Variants in POLD1 observed in about 807,000 individuals in gnomAD.
The protein encoded by POLD1 is DNA polymerase delta 1, catalytic subunit.
Under a neutral mutation model 129.7 loss-of-function variants are expected in POLD1, and 79 were observed. The ratio of observed to expected loss-of-function variants is 0.61; its 90% CI spans 0.51 to 0.73. The LOEUF is 0.73. POLD1 is among the 30% of genes least tolerant of loss of function. The pLI is 0.00. For synonymous variants in POLD1, 714 were observed against 683.3 expected, an observed-to-expected ratio of 1.04 and a Z score of -0.70; for missense variants, 1,338 against 1,595.8, an observed-to-expected ratio of 0.84 and a Z score of 2.75.
At position 50,406,557 on chromosome 19, in the gene POLD1, C is replaced by A; in HGVS notation, c.1494+40C>A. 2 of 1,422,396 alleles carry A rather than the reference C, an allele frequency of 1.4e-6. No individual in the cohort carries two copies. The highest frequency in any genetic ancestry group is 1.9e-6 in the Non-Finnish European group (2 of 1,030,284). The allele number at this position is 1,422,396 out of a possible 1,614,324, so 88.1% of individuals were successfully genotyped here. A position where few individuals can be genotyped will look rare whatever the true frequency, so the allele number is the denominator to read the frequency against. On this transcript the variant is annotated intron_variant, in intron 12 of 26. Coordinates refer to ENST00000440232, the MANE Select transcript of POLD1 (RefSeq NM_002691.4). This position sits in a 1 kb window ranked among gnomAD's most constrained non-coding sequence, Gnocchi z 5.5. ...CCTGACCTCTCACCCCAACCTCTGA[C>A]CTCCACCTCACCCTTCCCCGGCCTC...
chr19:50,408,637 C>A, intron 14 of POLD1, 148 bp from the exon 15 acceptor site: 2 of 1,213,820 alleles, frequency 1.6e-6, no homozygotes, highest in African/African-American at 1.5e-5. Context: ...CCTGCCTCAG[C>A]CTCCCAATGT....
intron 1 of POLD1, among the ~76,000 whole-genome samples, chr19:50,392,266 T>C (rs111382150): frequency 0.022 from 3,309 of 152,084 alleles, 116 homozygotes; most frequent in African/African-American, 0.074. Flanking sequence ...GATTGACTAA[T>C]TTTTAATTTT....
intron 1 of POLD1, among the ~76,000 whole-genome samples, chr19:50,392,657 A>T (rs1005852091): frequency 2.7e-4 from 41 of 151,870 alleles, no homozygotes; most frequent in Admixed American, 1.1e-3. Context: ...TTTGTATTTT[A>T]GTAGAGATGG....
rs771121744 is a variant in POLD1 at position 50,413,415 on chromosome 19, C to T, written c.2155-11C>T. The T allele has an allele frequency of 5.0e-6, 8 of 1,610,866 alleles. No homozygotes were observed. The highest frequency in any genetic ancestry group is 1.1e-5 in the South Asian group (1 of 90,750). ...CCAGGGCTTCACTCCGCATGATTCTCTCCCCGACAGAGCGTCACGGGGTTC... is the reference window on the plus strand; with the variant it reads ...CCAGGGCTTCACTCCGCATGATTCTTTCCCCGACAGAGCGTCACGGGGTTC... On this transcript the variant is annotated splice_polypyrimidine_tract_variant and intron_variant, in intron 17 of 26. Transcript: ENST00000440232.
chr19:50,391,272 T>C lies in POLD1; in HGVS notation c.-2+6882T>C, dbSNP rs557727892. ...CCCAGACTGGGCGGCCAGGCAGAGATGCTCCTCACTTCCCAGACGGGGTGG... is the reference window on the plus strand; with the variant it reads ...CCCAGACTGGGCGGCCAGGCAGAGACGCTCCTCACTTCCCAGACGGGGTGG... On this transcript the variant is annotated intron_variant, in intron 1 of 26. Coordinates refer to ENST00000440232, the MANE Select transcript of POLD1 (RefSeq NM_002691.4). 8.7e-3 allele frequency among the ~76,000 whole-genome samples: 1,285 copies of C among 148,146 alleles called. 15 individuals carry two copies. The highest frequency in any genetic ancestry group is 0.03 in the African/African-American group (1,189 of 39,148).
At chr19:50,403,256 G>T (rs766407009) in intron 9 of POLD1, 37 bp downstream of exon 9, 11 of 1,509,298 alleles carry the variant, frequency 7.3e-6, no homozygotes, top group Non-Finnish European at 9.8e-6. Context: ...ATTTCCCGGG[G>T]TCCCCGCCAG....
intron 19 of POLD1, among the ~76,000 whole-genome samples, 168 bp from the exon 20 acceptor site, chr19:50,414,647 C>T (rs574140493): frequency 6.6e-6 from 1 of 152,338 alleles, no homozygotes; most frequent in Non-Finnish European, 1.5e-5. Flanking sequence ...GCCTCAGGAG[C>T]CACTTCCAGC....
chr19:50,404,862 TG>T (rs60462866), intron 10 of POLD1, among the ~76,000 whole-genome samples: 17,363 of 151,536 alleles, frequency 0.11, 3,235 homozygotes, highest in African/African-American at 0.38. Flanking sequence ...GGCGCTGGGG[TG>T]TAGAAGTGAT....
Position 50,401,133 on chromosome 19 carries a change from C to CA in POLD1, c.317-639dup, listed in dbSNP as rs2038584321. Among the ~76,000 whole-genome samples, 11 of 151,224 alleles carry CA rather than the reference C, an allele frequency of 7.3e-5. No homozygotes were observed. In the South Asian group the frequency reaches 2.3e-3, roughly 31 times the overall value. The stretch of plus-strand genomic sequence containing the variant: ...TGAAACCCCGTCTCTACTAAAAATT[C>CA]AAAAAATTAGCCAGGTGTGGTGGCA... On this transcript the variant is annotated intron_variant, in intron 3 of 26. Transcript: ENST00000440232.
intron 14 of POLD1, among the ~76,000 whole-genome samples, chr19:50,407,899 G>T (rs576675456): frequency 2.0e-5 from 3 of 151,466 alleles, no homozygotes; most frequent in African/African-American, 7.3e-5. Flanking sequence ...TTAGCCAGGC[G>T]TGGTGGTGCA....
At chr19:50,405,930 C>T (rs907912232) in intron 10 of POLD1, among the ~76,000 whole-genome samples, 1 of 152,126 alleles carries the variant, frequency 6.6e-6, no homozygotes, top group African/African-American at 2.4e-5. Flanking sequence ...TGGGCTCCAT[C>T]CTTGGCCCCC....
chr19:50,392,258 TTGAC>T lies in POLD1; in HGVS notation c.-1-6591_-1-6588del, dbSNP rs886874561. On this transcript the variant is annotated intron_variant, in intron 1 of 26. Transcript: ENST00000440232. ...AGTAATTTTTAATTTTTTGTAGAGATTGACTAATTTTTAATTTTTTGTAGAAATG... is the reference window on the plus strand; with the variant it reads ...AGTAATTTTTAATTTTTTGTAGAGATTAATTTTTAATTTTTTGTAGAAATG... Among the ~76,000 whole-genome samples, 22 of 152,040 alleles carry T rather than the reference TTGAC, an allele frequency of 1.4e-4. 1 individual carries two copies. Among genetic ancestry groups the T allele is most frequent in the African/African-American group, 5.3e-4 (22 of 41,486 alleles).
chr19:50,396,956 A>G (rs2038390507), intron 1 of POLD1, among the ~76,000 whole-genome samples: 1 of 150,416 alleles, frequency 6.6e-6, no homozygotes, highest in African/African-American at 2.4e-5. Context: ...TTAGCCAGGC[A>G]TGGTGGTGGG....
Position 50,407,324 on chromosome 19 carries a change from C to G in POLD1, c.1687-3C>G. The G allele has an allele frequency of 6.2e-7, 1 of 1,611,430 alleles. No individual in the cohort carries two copies. Among genetic ancestry groups the G allele is most frequent in the Non-Finnish European group, 8.5e-7 (1 of 1,178,288 alleles). On this transcript the variant is annotated splice_region_variant and splice_polypyrimidine_tract_variant and intron_variant, in intron 13 of 26. Transcript: ENST00000440232. ...CTCCATTTCCCACCTTCTCCCCTCC[C>G]AGGCCATGCACGAGGGGCTGCTGAT...
chr19:50,384,651 T>TG (rs1437993615), intron 1 of POLD1, among the ~76,000 whole-genome samples: 2 of 144,010 alleles, frequency 1.4e-5, no homozygotes, highest in Non-Finnish European at 3.1e-5. Context: ...CGGGAGGAGC[T>TG]GGGGGGACTG....
intron 1 of POLD1, among the ~76,000 whole-genome samples, chr19:50,396,204 G>A (rs1474311393): frequency 5.4e-5 from 8 of 148,840 alleles, no homozygotes; most frequent in African/African-American, 1.2e-4. Context: ...CTCCTGCCTC[G>A]GCCTCCCGAG....
intron 19 of POLD1, among the ~76,000 whole-genome samples, chr19:50,414,162 C>T (rs1263120216): frequency 2.0e-5 from 3 of 152,226 alleles, no homozygotes; most frequent in African/African-American, 2.4e-5. Flanking sequence ...CTGCCCTCCA[C>T]GCAGGGACCC....
At chr19:50,403,654 C>T in intron 10 of POLD1, 57 bp downstream of exon 10, 2 of 1,063,742 alleles carry the variant, frequency 1.9e-6, no homozygotes, top group South Asian at 2.5e-5. Context: ...GGCCTCCGGG[C>T]CCTGGGCCTC....
chr19:50,386,445 A>G (rs553416550), intron 1 of POLD1, among the ~76,000 whole-genome samples: 1 of 152,232 alleles, frequency 6.6e-6, no homozygotes, highest in Non-Finnish European at 1.5e-5. Context: ...GCCTAAACTC[A>G]TGTCTTGAAG....
Sources: gnomAD v4.1 joint callset for allele counts (sites outside exome capture counted in the v4.1 genomes callset) on GRCh38, gnomAD v4.1.1 for gene constraint, Gnocchi (gnomAD v3.1) non-coding constraint, MANE v1.5 for transcripts, NCBI Gene and HGNC (gene_info 2026-07-23, HGNC 2026-07-21) for gene names.